GALNT10: variants seen among roughly 807,000 people sequenced by gnomAD.
GALNT10 encodes polypeptide N-acetylgalactosaminyltransferase 10, also known as GalNAc transferase 10.
Under a neutral mutation model 75.0 loss-of-function variants are expected in GALNT10, and 41 were observed. The observed-to-expected ratio is 0.55, with a 90% CI of 0.43 to 0.71. The LOEUF (loss-of-function observed/expected upper bound fraction) is 0.71, where lower values mean the gene tolerates loss of function less well. Ranked by LOEUF, GALNT10 falls within the 30% of genes least tolerant of loss-of-function variation. The pLI, the probability that GALNT10 is intolerant of heterozygous loss-of-function variation, is 0.00. For missense variants in GALNT10, 727 were observed against 818.5 expected (o/e 0.89, Z 1.36); for synonymous variants, 302 against 313.0 (o/e 0.96, Z 0.37).
At chr5:154,259,503 A>G (rs1212707245) in intron 1 of GALNT10, among the ~76,000 whole-genome samples, 1 of 152,208 alleles carries the variant, frequency 6.6e-6, no homozygotes, top group Non-Finnish European at 1.5e-5. Context: ...TTGAGATTAT[A>G]TGAAAATCCA....
intron 3 of GALNT10, among the ~76,000 whole-genome samples, chr5:154,312,223 A>G (rs1239154842): frequency 1.3e-5 from 2 of 152,212 alleles, no homozygotes; most frequent in Admixed American, 6.5e-5. Flanking sequence ...TATCAAGGGC[A>G]GTGTGATGAT....
chr5:154,218,006 C>A (rs1246041759), intron 1 of GALNT10: 1 of 944,356 alleles, frequency 1.1e-6, no homozygotes, highest in East Asian at 1.2e-4. Context: ...CATGTGGTTT[C>A]TTCCTTCTAT....
chr5:154,376,160 G>A lies in GALNT10; in HGVS notation c.569-117G>A. On this transcript the variant is annotated intron_variant, in intron 4 of 11. Transcript: ENST00000297107. This position sits in a 1 kb window ranked among gnomAD's most constrained non-coding sequence, Gnocchi z 4.1. The stretch of plus-strand genomic sequence containing the variant: ...CTCCCTGTCTGAAAGGTCTAGTGAG[G>A]CAGTGTACAGGAAAGCTGTGTCTAG... 1.4e-6 allele frequency: 1 copy of A among 715,092 alleles called. No homozygotes were observed. Among genetic ancestry groups the A allele is most frequent in the South Asian group, 1.7e-5 (1 of 59,186 alleles). The allele number at this position is 715,092 out of a possible 1,614,324, so 44.3% of individuals were successfully genotyped here.
chr5:154,357,963 T>C (rs954997908), intron 4 of GALNT10, among the ~76,000 whole-genome samples: 1 of 152,180 alleles, frequency 6.6e-6, no homozygotes, highest in Non-Finnish European at 1.5e-5. Context: ...GTACTTTACA[T>C]AAAATGAATA....
chr5:154,360,208 G>T (rs1471863666), intron 4 of GALNT10, among the ~76,000 whole-genome samples: 1 of 152,162 alleles, frequency 6.6e-6, no homozygotes, highest in East Asian at 1.9e-4. Context: ...CCAGCACTTT[G>T]GGAGGCTGAG....
At chr5:154,290,084 C>T (rs1236025152) in intron 1 of GALNT10, among the ~76,000 whole-genome samples, 2 of 147,334 alleles carry the variant, frequency 1.4e-5, no homozygotes, top group Admixed American at 1.4e-4. Context: ...GCTCCATGTA[C>T]TCTGTAATTT....
intron 4 of GALNT10, among the ~76,000 whole-genome samples, chr5:154,350,077 G>A (rs1207224198): frequency 6.6e-6 from 1 of 152,202 alleles, no homozygotes; most frequent in Non-Finnish European, 1.5e-5. Context: ...CCCTACTCTA[G>A]AGACAAGTGT....
rs1373770412 is a variant in GALNT10 at position 154,380,643 on chromosome 5, C to A, written c.938+12C>A. ...AGCGACCCATTTGAGTAAGTATGAACAACCCTGGCTGGTCCCAGTGGCTAC... is the reference window on the plus strand; with the variant it reads ...AGCGACCCATTTGAGTAAGTATGAAAAACCCTGGCTGGTCCCAGTGGCTAC... On this transcript the variant is annotated intron_variant, in intron 6 of 11. Coordinates refer to ENST00000297107, the MANE Select transcript of GALNT10 (RefSeq NM_198321.4). The A allele has an allele frequency of 1.9e-6, 3 of 1,598,954 alleles. No individual in the cohort carries two copies. The African/African-American group carries it at 4.0e-5, about 21-fold the overall frequency.
chr5:154,409,705 C>T lies in GALNT10; in HGVS notation c.1329C>T (p.Ala443=), dbSNP rs749920188. ...KSFKWFMTKI[A]WDLPKFYPPV... ...TCAAGTGGTTTATGACGAAGATAGC[C>T]TGGGACCTGCCCAAATTCTACCCAC... Residue 443 remains alanine, a synonymous_variant, in exon 9 of 12, where the codon GCC becomes GCT. Coordinates refer to ENST00000297107, the MANE Select transcript of GALNT10 (RefSeq NM_198321.4). This position sits in a 1 kb window ranked among gnomAD's most constrained non-coding sequence, Gnocchi z 4.5. 2 of 1,614,200 alleles carry T rather than the reference C, an allele frequency of 1.2e-6. No individual in the cohort carries two copies. Among genetic ancestry groups the T allele is most frequent in the South Asian group, 2.2e-5 (2 of 91,086 alleles).
At chr5:154,208,652 C>G (rs1166634200) in intron 1 of GALNT10, among the ~76,000 whole-genome samples, 1 of 152,142 alleles carries the variant, frequency 6.6e-6, no homozygotes, top group Non-Finnish European at 1.5e-5. Flanking sequence ...TCTCTTAGCC[C>G]AAACCCTGTG....
intron 3 of GALNT10, among the ~76,000 whole-genome samples, chr5:154,306,266 A>G (rs1754431518): frequency 6.6e-6 from 1 of 152,226 alleles, no homozygotes; most frequent in Non-Finnish European, 1.5e-5. Flanking sequence ...AAGATAGATT[A>G]TATTTTGGGC....
chr5:154,318,761 A>G (rs1165220650), intron 3 of GALNT10, among the ~76,000 whole-genome samples: 3 of 152,068 alleles, frequency 2.0e-5, no homozygotes, highest in African/African-American at 2.4e-5. Flanking sequence ...ATCTTCCCCT[A>G]TTGGTGGACA....
intron 7 of GALNT10, among the ~76,000 whole-genome samples, chr5:154,401,444 T>A (rs1756160480): frequency 6.6e-6 from 1 of 152,212 alleles, no homozygotes; most frequent in Non-Finnish European, 1.5e-5. Flanking sequence ...AAAGCATCAC[T>A]TCCACATCAA....
At chr5:154,220,631 C>T (rs1254978238) in intron 1 of GALNT10, among the ~76,000 whole-genome samples, 1 of 152,188 alleles carries the variant, frequency 6.6e-6, no homozygotes, top group Non-Finnish European at 1.5e-5. Context: ...AAAGAACTTC[C>T]AAGCAAATGG....
intron 1 of GALNT10, among the ~76,000 whole-genome samples, chr5:154,238,459 C>A (rs1753281933): frequency 6.6e-6 from 1 of 152,230 alleles, no homozygotes; most frequent in East Asian, 1.9e-4. Flanking sequence ...CTATTTCAGG[C>A]AGAAGTCTGT....
At position 154,420,605 on chromosome 5, in the gene GALNT10, CTT is replaced by C. The variant is rs1216738644; in HGVS notation, c.*3635_*3636del. The C allele has an allele frequency of 5.3e-5, 8 of 152,240 alleles. No individual in the cohort carries two copies. The highest frequency in any genetic ancestry group is 1.2e-4 in the African/African-American group (5 of 41,466). 9.4% of individuals were successfully genotyped at this position (152,240 alleles called of 1,614,324 possible). A position where few individuals can be genotyped will look rare whatever the true frequency, so the allele number is the denominator to read the frequency against. Reference sequence around the variant, plus strand: ...TTCCTTATTGCTTTCAACGGACACTCTTTGTGAAAAATCCAAGTAATATTTTA... The same window carrying C: ...TTCCTTATTGCTTTCAACGGACACTCTGTGAAAAATCCAAGTAATATTTTA... On this transcript the variant is annotated 3_prime_UTR_variant, in exon 12 of 12. Coordinates refer to ENST00000297107, the MANE Select transcript of GALNT10 (RefSeq NM_198321.4).
At chr5:154,223,851 T>C (rs1753022614) in intron 1 of GALNT10, among the ~76,000 whole-genome samples, 1 of 150,806 alleles carries the variant, frequency 6.6e-6, no homozygotes, top group Non-Finnish European at 1.5e-5. Context: ...TCCTAGGAGG[T>C]GGAGGTTGCA....
intron 3 of GALNT10, among the ~76,000 whole-genome samples, chr5:154,320,380 G>T (rs893679264): frequency 3.3e-5 from 5 of 152,170 alleles, no homozygotes; most frequent in African/African-American, 1.2e-4. Flanking sequence ...GTGGGGCCCG[G>T]CTCTGGGCCT....
intron 1 of GALNT10, among the ~76,000 whole-genome samples, chr5:154,268,771 G>GAT (rs1753814340): frequency 6.6e-6 from 1 of 152,124 alleles, no homozygotes; most frequent in African/African-American, 2.4e-5. Flanking sequence ...TAGGTCTTAA[G>GAT]AGCACCTCAT....
Sources: gnomAD v4.1 joint callset for allele counts (sites outside exome capture counted in the v4.1 genomes callset) on GRCh38, gnomAD v4.1.1 for gene constraint, Gnocchi (gnomAD v3.1) non-coding constraint, MANE v1.5 for transcripts, NCBI Gene and HGNC (gene_info 2026-07-23, HGNC 2026-07-21) for gene names.